NRIP3: variants seen among roughly 807,000 people sequenced by gnomAD.
NRIP3 encodes nuclear receptor-interacting protein 3.
NRIP3 carries 31 observed loss-of-function variants against 29.0 expected under a neutral mutation model. The ratio of observed to expected loss-of-function variants is 1.07; its 90% CI spans 0.80 to 1.44. The LOEUF (loss-of-function observed/expected upper bound fraction) is 1.44. Among genes scored for constraint, NRIP3 ranks in the 40% most tolerant of loss-of-function variants. NRIP3 has a pLI of 0.00. For synonymous variants in NRIP3, 131 were observed against 118.3 expected, an observed-to-expected ratio of 1.11 and a Z score of -0.70; for missense variants, 314 against 297.9, an observed-to-expected ratio of 1.05 and a Z score of -0.40.
At chr11:8,996,733 C>T (rs975575348) in intron 1 of NRIP3, among the ~76,000 whole-genome samples, 1 of 152,130 alleles carries the variant, frequency 6.6e-6, no homozygotes, top group Non-Finnish European at 1.5e-5. Context: ...GACATATTGG[C>T]TTTCCAAGGG....
At position 8,983,290 on chromosome 11, in the gene NRIP3, G is replaced by C; in HGVS notation, c.*255C>G. ...AAGCAGAGAAATAGGCCACAAGTGA[G>C]ACTGGCAGTGTCAAAAAAGGTCTAT... On this transcript the variant is annotated 3_prime_UTR_variant, in exon 7 of 7. Coordinates refer to ENST00000309166, the MANE Select transcript of NRIP3 (RefSeq NM_020645.3). 1 of 556,162 alleles carries C rather than the reference G, an allele frequency of 1.8e-6. No homozygotes were observed. Among genetic ancestry groups the C allele is most frequent in the Non-Finnish European group, 3.2e-6 (1 of 312,766 alleles). 34.5% of individuals were successfully genotyped at this position (556,162 alleles called of 1,614,324 possible).
At chr11:8,997,201 C>G (rs1163147255) in intron 1 of NRIP3, among the ~76,000 whole-genome samples, 1 of 151,766 alleles carries the variant, frequency 6.6e-6, no homozygotes, top group African/African-American at 2.4e-5. Flanking sequence ...GTGGTGAAAC[C>G]CTGTCTCTAC....
Position 8,987,869 on chromosome 11 carries a change from C to A in NRIP3, c.340-239G>T, listed in dbSNP as rs140688296. On this transcript the variant is annotated intron_variant, in intron 2 of 6. Transcript: ENST00000309166. ...ACTCTAGGTGTTTCATGCTATACAC[C>A]AAATAGCTCTTAATCTTTTTTAAAA... Among the ~76,000 whole-genome samples the A allele has an allele frequency of 4.2e-4, 64 of 152,270 alleles. 1 individual carries two copies. The East Asian group carries it at 0.012, about 28-fold the overall frequency.
At chr11:9,003,158 G>T (rs1854838676) in intron 1 of NRIP3, among the ~76,000 whole-genome samples, 1 of 152,136 alleles carries the variant, frequency 6.6e-6, no homozygotes, top group South Asian at 2.1e-4. Context: ...GGGCGGGGCT[G>T]GAAGAGGAGA....
chr11:8,984,952 A>G (rs1018051789), intron 4 of NRIP3, among the ~76,000 whole-genome samples: 16 of 144,478 alleles, frequency 1.1e-4, no homozygotes, highest in African/African-American at 4.1e-4. Flanking sequence ...CTCGGGTCCA[A>G]GCGATTCTCC....
chr11:8,996,206 T>C (rs867027125), intron 1 of NRIP3, among the ~76,000 whole-genome samples: 6 of 151,976 alleles, frequency 3.9e-5, no homozygotes, highest in African/African-American at 1.4e-4. Context: ...ATTTCAGCTA[T>C]ATCCTCAGCT....
intron 1 of NRIP3, among the ~76,000 whole-genome samples, chr11:8,998,075 C>G (rs1443192972): frequency 6.6e-6 from 1 of 152,162 alleles, no homozygotes; most frequent in East Asian, 1.9e-4. Context: ...CCATTTTAGT[C>G]CTCATATACA....
chr11:8,998,261 G>A (rs943848119), intron 1 of NRIP3, among the ~76,000 whole-genome samples: 1 of 152,202 alleles, frequency 6.6e-6, no homozygotes, highest in African/African-American at 2.4e-5. Context: ...GTTTGCAGTT[G>A]CTCAAAAACA....
At position 8,987,024 on chromosome 11, in the gene NRIP3, CAAACA is replaced by C. The variant is rs368073905; in HGVS notation, c.422+519_422+523del. ...CACAGTGAGGCTCCGCCACACAAAA[CAAACA>C]AAAGAAACTACTGGCTAATTACCCT... On this transcript the variant is annotated intron_variant, in intron 3 of 6. Coordinates refer to ENST00000309166, the MANE Select transcript of NRIP3 (RefSeq NM_020645.3). Among the ~76,000 whole-genome samples, 10 of 152,276 alleles carry C rather than the reference CAAACA, an allele frequency of 6.6e-5. No individual in the cohort carries two copies. In the East Asian group the frequency reaches 1.9e-3, roughly 29 times the overall value.
At chr11:9,000,039 T>G (rs1373011329) in intron 1 of NRIP3, among the ~76,000 whole-genome samples, 1 of 152,226 alleles carries the variant, frequency 6.6e-6, no homozygotes, top group Non-Finnish European at 1.5e-5. Context: ...TGGTTCACTA[T>G]TATATCTCCA....
chr11:8,985,848 A>C lies in NRIP3; in HGVS notation c.425T>G (p.Leu142Arg). ...ISLACVDRLG[L>R]KEHVKSHKHE... is the part of the protein sequence containing the mutation. ...CTTGTGGGATTTGACATGCTCCTTG[A>C]GTCTGTACCAAAGAGGAAGATACCA... The change falls in exon 4 of 7, where the codon CTC becomes CGC. Residue 142 changes from leucine to arginine, a missense_variant and splice_region_variant. By Grantham distance (102) the Leu-to-Arg change is moderately radical (BLOSUM62 -2). Coordinates refer to ENST00000309166, the MANE Select transcript of NRIP3 (RefSeq NM_020645.3). The C allele has an allele frequency of 1.2e-6, 2 of 1,614,050 alleles. No individual in the cohort carries two copies. The highest frequency in any genetic ancestry group is 1.7e-6 in the Non-Finnish European group (2 of 1,180,000).
intron 4 of NRIP3, among the ~76,000 whole-genome samples, chr11:8,985,147 G>A (rs1406656092): frequency 2.0e-4 from 30 of 148,196 alleles, no homozygotes; most frequent in Non-Finnish European, 1.5e-4. Context: ...CACTGCGCCC[G>A]GCCTCTTGCT....
At chr11:9,000,771 T>TA (rs11449994) in intron 1 of NRIP3, among the ~76,000 whole-genome samples, 48,895 of 149,634 alleles carry the variant, frequency 0.33, 7,979 homozygotes, top group Middle Eastern at 0.45. Context: ...TTCACTGAGT[T>TA]AAAAAAAAAA....
intron 1 of NRIP3, among the ~76,000 whole-genome samples, chr11:8,999,883 A>C (rs2134930253): frequency 6.6e-6 from 1 of 152,308 alleles, no homozygotes; most frequent in South Asian, 2.1e-4. Flanking sequence ...CACCCCAGTC[A>C]CTGCCTTCCC....
At chr11:8,991,029 C>G (rs986151002) in intron 1 of NRIP3, among the ~76,000 whole-genome samples, 1 of 152,060 alleles carries the variant, frequency 6.6e-6, no homozygotes, top group African/African-American at 2.4e-5. Context: ...TGTCCAGGTG[C>G]GGTGGCTCAC....
At position 8,987,775 on chromosome 11, in the gene NRIP3, ACTG is replaced by A. The variant is rs1047752717; in HGVS notation, c.340-148_340-146del. The A allele has an allele frequency of 1.0e-4, 70 of 700,966 alleles. No homozygotes were observed. The African/African-American group carries it at 1.2e-3, about 12-fold the overall frequency. 43.4% of individuals were successfully genotyped at this position (700,966 alleles called of 1,614,324 possible). A position where few individuals can be genotyped will look rare whatever the true frequency, so the allele number is the denominator to read the frequency against. On this transcript the variant is annotated intron_variant, in intron 2 of 6. Coordinates refer to ENST00000309166, the MANE Select transcript of NRIP3 (RefSeq NM_020645.3). Reference sequence around the variant, plus strand: ...GGGTTATAGTGTCCCATCTTTACCCACTGCTAAGTCTGCCTTTGACTGGCTCTT... The same window carrying A: ...GGGTTATAGTGTCCCATCTTTACCCACTAAGTCTGCCTTTGACTGGCTCTT...
In NRIP3 at chr11:8,981,466, T is replaced by TAAA. The variant is rs11449384; in HGVS notation, c.*2076_*2078dup. The stretch of plus-strand genomic sequence containing the variant: ...CTGGGCAACAGAGTGAGACTCTGTC[T>TAAA]AAAAAAAAAAAAAAAAAAAGAATAA... On this transcript the variant is annotated 3_prime_UTR_variant, in exon 7 of 7. Coordinates refer to ENST00000309166, the MANE Select transcript of NRIP3 (RefSeq NM_020645.3). The TAAA allele has an allele frequency of 1.9e-4, 22 of 114,880 alleles. 1 individual carries two copies. Among genetic ancestry groups the TAAA allele is most frequent in the Admixed American group, 9.4e-4 (10 of 10,644 alleles). 7.1% of individuals were successfully genotyped at this position (114,880 alleles called of 1,614,324 possible).
Position 8,983,212 on chromosome 11 carries a change from A to G in NRIP3, c.*333T>C. On this transcript the variant is annotated 3_prime_UTR_variant, in exon 7 of 7. Coordinates refer to ENST00000309166, the MANE Select transcript of NRIP3 (RefSeq NM_020645.3). ...AAAAGAAGCACATATATCTATGGAG[A>G]CACAGAACCTGGCAGCCCCTATACT... 1 of 449,932 alleles carries G rather than the reference A, an allele frequency of 2.2e-6. No individual in the cohort carries two copies. Among genetic ancestry groups the G allele is most frequent in the Non-Finnish European group, 4.0e-6 (1 of 248,808 alleles). 27.9% of individuals were successfully genotyped at this position (449,932 alleles called of 1,614,324 possible). A position where few individuals can be genotyped will look rare whatever the true frequency, so the allele number is the denominator to read the frequency against.
intron 6 of NRIP3, 37 bp from the exon 7 acceptor site, chr11:8,983,597 A>C: frequency 1.2e-6 from 2 of 1,605,514 alleles, no homozygotes; most frequent in Non-Finnish European, 1.7e-6. Context: ...AAATAATGCC[A>C]AATTCAAAAA....
Sources: allele counts gnomAD v4.1 joint callset (sites outside exome capture counted in the v4.1 genomes callset), GRCh38; gene constraint gnomAD v4.1.1; transcripts MANE v1.5; gene names NCBI Gene and HGNC (gene_info 2026-07-23, HGNC 2026-07-21).